The following PSD3 variants were observed in gnomAD, a reference collection of about 807,000 sequenced individuals.
The protein encoded by PSD3 is pleckstrin and Sec7 domain containing 3.
In PSD3, 49 loss-of-function variants were observed where a neutral mutation model predicts 105.5. The ratio of observed to expected loss-of-function variants is 0.46; its 90% CI spans 0.37 to 0.59. The LOEUF (loss-of-function observed/expected upper bound fraction) is 0.59, where lower values mean the gene tolerates loss of function less well. PSD3 is among the 20% of genes least tolerant of loss of function. PSD3 has a pLI of 0.00. For missense variants in PSD3, 1,561 were observed against 1,263.8 expected (o/e 1.24, Z -3.57); for synonymous variants, 557 against 457.8 (o/e 1.22, Z -2.77).
At chr8:18,650,647 G>T (rs534567772) in intron 10 of PSD3, among the ~76,000 whole-genome samples, 3 of 152,252 alleles carry the variant, frequency 2.0e-5, no homozygotes, top group African/African-American at 7.2e-5. Context: ...ATTCATATTT[G>T]TATCTAGGGC....
At chr8:18,970,833 T>G (rs4921622) in intron 1 of PSD3, among the ~76,000 whole-genome samples, 2 of 151,500 alleles carry the variant, frequency 1.3e-5, no homozygotes, top group African/African-American at 2.4e-5. Flanking sequence ...TGTGCACCTG[T>G]AGTACCAACT....
chr8:18,584,304 C>A (rs561230921), intron 12 of PSD3, among the ~76,000 whole-genome samples: 47 of 152,284 alleles, frequency 3.1e-4, no homozygotes, highest in Middle Eastern at 3.4e-3. Context: ...TGTGCAGTGG[C>A]CAAGTTAGTT....
chr8:18,995,712 G>A (rs1042935871), intron 1 of PSD3, among the ~76,000 whole-genome samples: 30 of 152,098 alleles, frequency 2.0e-4, no homozygotes, highest in African/African-American at 9.6e-5. Flanking sequence ...GAAAGCAAAC[G>A]GCCAAAGGCA....
intron 4 of PSD3, among the ~76,000 whole-genome samples, chr8:18,860,638 C>G (rs1229851164): frequency 6.6e-6 from 1 of 152,130 alleles, no homozygotes; most frequent in Non-Finnish European, 1.5e-5. Context: ...AAAACACCTT[C>G]AGAGAACAAT....
rs542292472 is a variant in PSD3, at chr8:18,559,096, T to C, written c.2785-2744A>G. On this transcript the variant is annotated intron_variant, in intron 14 of 15. Transcript: ENST00000327040. ...TAAATGATGTTGCAACAGACATTCT[T>C]ACACATGTCTCCTAGGGAATCTGAG... Among the ~76,000 whole-genome samples, 5 of 152,334 alleles carry C rather than the reference T, an allele frequency of 3.3e-5. No homozygotes were observed. The East Asian group carries it at 7.7e-4, about 24-fold the overall frequency.
chr8:18,642,497 T>C (rs539188468), intron 10 of PSD3, among the ~76,000 whole-genome samples: 3 of 152,286 alleles, frequency 2.0e-5, no homozygotes, highest in South Asian at 2.1e-4. Flanking sequence ...CACTTAGCAA[T>C]TGATATAGAG....
At chr8:18,933,640 A>G (rs1203870777) in intron 2 of PSD3, among the ~76,000 whole-genome samples, 2 of 151,950 alleles carry the variant, frequency 1.3e-5, no homozygotes, top group Non-Finnish European at 2.9e-5. Context: ...GCTAATTTTT[A>G]TATTTTTAGT....
At chr8:19,059,504 T>C (rs577278745) in intron 1 of PSD3, among the ~76,000 whole-genome samples, 1 of 152,306 alleles carries the variant, frequency 6.6e-6, no homozygotes, top group South Asian at 2.1e-4. Context: ...ATCTAAACTT[T>C]TAGAAAAGTC....
chr8:19,083,374 G>C (rs1436464835), intron 1 of PSD3, among the ~76,000 whole-genome samples: 1 of 152,218 alleles, frequency 6.6e-6, no homozygotes, highest in Non-Finnish European at 1.5e-5. Flanking sequence ...AGTGCGGAGT[G>C]TGAGATGCTA....
intron 2 of PSD3, among the ~76,000 whole-genome samples, chr8:18,916,304 A>G (rs1820584399): frequency 8.1e-4 from 1 of 1,230 alleles, no homozygotes; most frequent in African/African-American, 6.6e-3. Flanking sequence ...AGTGATATAT[A>G]TATATATATA....
intron 1 of PSD3, among the ~76,000 whole-genome samples, chr8:18,939,871 C>G (rs995097408): frequency 1.3e-5 from 2 of 152,102 alleles, no homozygotes; most frequent in African/African-American, 4.8e-5. Flanking sequence ...AGTTTATACA[C>G]ACATATCTAT....
intron 9 of PSD3, among the ~76,000 whole-genome samples, chr8:18,724,283 T>C (rs909250335): frequency 1.3e-5 from 2 of 152,178 alleles, no homozygotes; most frequent in South Asian, 2.1e-4. Context: ...GCAAAACAAA[T>C]AGCAGTAATA....
At chr8:18,780,215 T>C (rs985309443) in intron 8 of PSD3, among the ~76,000 whole-genome samples, 19 of 152,342 alleles carry the variant, frequency 1.2e-4, no homozygotes, top group African/African-American at 4.3e-4. Flanking sequence ...CTATTTTATC[T>C]GATACTAGTG....
At chr8:18,862,611 C>A (rs1816533666) in intron 4 of PSD3, among the ~76,000 whole-genome samples, 1 of 152,026 alleles carries the variant, frequency 6.6e-6, no homozygotes, top group Non-Finnish European at 1.5e-5. Flanking sequence ...TCCAATTTCA[C>A]AACATGAAAA....
chr8:18,682,347 A>G (rs1164993963), intron 9 of PSD3, among the ~76,000 whole-genome samples: 2 of 152,250 alleles, frequency 1.3e-5, no homozygotes, highest in East Asian at 3.8e-4. Flanking sequence ...AGCCAATTTT[A>G]TAGCCATGTT....
At chr8:18,581,899 AG>A (rs1802841846) in intron 12 of PSD3, among the ~76,000 whole-genome samples, 1 of 152,196 alleles carries the variant, frequency 6.6e-6, no homozygotes, top group Non-Finnish European at 1.5e-5. Context: ...TATGTGACTA[AG>A]TAACATTAAG....
At chr8:18,625,345 C>T (rs1806403215) in intron 11 of PSD3, among the ~76,000 whole-genome samples, 1 of 152,110 alleles carries the variant, frequency 6.6e-6, no homozygotes, top group Non-Finnish European at 1.5e-5. Flanking sequence ...ACCCATCATC[C>T]TATCTGTATG....
intron 12 of PSD3, among the ~76,000 whole-genome samples, chr8:18,594,423 A>C: frequency 8.1e-6 from 1 of 124,022 alleles, no homozygotes; most frequent in South Asian, 2.2e-4. Flanking sequence ...AATAATATAC[A>C]TTATATATAA....
At chr8:18,899,046 A>G (rs1377810893) in intron 2 of PSD3, among the ~76,000 whole-genome samples, 3 of 152,202 alleles carry the variant, frequency 2.0e-5, no homozygotes, top group African/African-American at 7.2e-5. Flanking sequence ...GGTCAACATC[A>G]TAAAAGAAGT....
Sources: allele counts gnomAD v4.1 joint callset (sites outside exome capture counted in the v4.1 genomes callset), GRCh38; gene constraint gnomAD v4.1.1; transcripts MANE v1.5; gene names NCBI Gene and HGNC (gene_info 2026-07-23, HGNC 2026-07-21).